Variants in CHCHD6 observed in about 807,000 individuals in gnomAD.
CHCHD6 encodes the protein MICOS complex subunit MIC25.
Under a neutral mutation model 32.3 loss-of-function variants are expected in CHCHD6, and 28 were observed. The ratio of observed to expected loss-of-function variants is 0.87; its 90% CI spans 0.64 to 1.19. CHCHD6 has a LOEUF of 1.19. CHCHD6 is among the 50% of genes most tolerant of loss of function. The probability of loss-of-function intolerance (pLI) is 0.00; values close to 1 mark genes in which losing one functional copy is unlikely to be tolerated. For synonymous variants in CHCHD6, 122 were observed against 117.5 expected (o/e 1.04, Z -0.25); for missense variants, 333 against 307.0 (o/e 1.08, Z -0.63).
At chr3:126,893,896 A>C (rs538919903) in intron 5 of CHCHD6, among the ~76,000 whole-genome samples, 1 of 152,238 alleles carries the variant, frequency 6.6e-6, no homozygotes, top group South Asian at 2.1e-4. Context: ...GGTGCCCCTA[A>C]CTCCAGAAGG....
intron 5 of CHCHD6, among the ~76,000 whole-genome samples, chr3:126,879,821 G>T (rs2077585414): frequency 6.6e-6 from 1 of 152,200 alleles, no homozygotes; most frequent in African/African-American, 2.4e-5. Context: ...GAGCTGAAGT[G>T]CTTAGAGATG....
At chr3:126,730,727 T>C in intron 3 of CHCHD6, 97 bp downstream of exon 3, 2 of 954,434 alleles carry the variant, frequency 2.1e-6, no homozygotes, top group African/African-American at 1.6e-5. Context: ...CCCTGGAGGC[T>C]TTGTCTCACA....
intron 4 of CHCHD6, among the ~76,000 whole-genome samples, chr3:126,809,463 A>G (rs1939563616): frequency 6.6e-6 from 1 of 152,194 alleles, no homozygotes; most frequent in Non-Finnish European, 1.5e-5. Context: ...TACTGTGTAA[A>G]GCTCTGCCCT....
intron 5 of CHCHD6, among the ~76,000 whole-genome samples, chr3:126,898,371 G>C (rs1007724201): frequency 3.9e-5 from 6 of 152,244 alleles, no homozygotes; most frequent in African/African-American, 1.4e-4. Flanking sequence ...GTTGTGCTGG[G>C]CACAGTGCTG....
chr3:126,859,602 A>G (rs554164622), intron 5 of CHCHD6, among the ~76,000 whole-genome samples: 2 of 152,336 alleles, frequency 1.3e-5, no homozygotes, highest in East Asian at 1.9e-4. Context: ...TACATAAGTC[A>G]TCGTGAATCC....
intron 6 of CHCHD6, among the ~76,000 whole-genome samples, chr3:126,938,168 C>G (rs1023040843): frequency 6.6e-6 from 1 of 152,186 alleles, no homozygotes; most frequent in Admixed American, 6.5e-5. Flanking sequence ...GGGAAATTGG[C>G]AAGGGGCCAT....
chr3:126,707,493 C>T (rs141783329), intron 1 of CHCHD6, among the ~76,000 whole-genome samples: 2 of 152,288 alleles, frequency 1.3e-5, no homozygotes, highest in East Asian at 1.9e-4. Context: ...AGAGAAGGCA[C>T]ACATGGCAGT....
chr3:126,799,745 A>G (rs1251140250), intron 4 of CHCHD6, among the ~76,000 whole-genome samples: 4 of 152,318 alleles, frequency 2.6e-5, no homozygotes, highest in Admixed American at 2.6e-4. Flanking sequence ...TAGGTGAGAA[A>G]GTCTAACAGA....
At chr3:126,859,156 T>C (rs1450513020) in intron 5 of CHCHD6, among the ~76,000 whole-genome samples, 3 of 152,014 alleles carry the variant, frequency 2.0e-5, no homozygotes, top group Non-Finnish European at 4.4e-5. Flanking sequence ...GGAACGTGTG[T>C]GTATGCAATC....
At chr3:126,851,548 T>C (rs905531486) in intron 4 of CHCHD6, among the ~76,000 whole-genome samples, 3 of 152,198 alleles carry the variant, frequency 2.0e-5, no homozygotes, top group Admixed American at 6.5e-5. Flanking sequence ...TTGGTGTTAT[T>C]CCTCCATACA....
At chr3:126,823,987 T>G (rs1940269152) in intron 4 of CHCHD6, among the ~76,000 whole-genome samples, 1 of 151,682 alleles carries the variant, frequency 6.6e-6, no homozygotes, top group Admixed American at 6.6e-5. Flanking sequence ...AAGCAGGAGG[T>G]TCACATGAGT....
chr3:126,720,096 G>A lies in CHCHD6; in HGVS notation c.88-6982G>A, dbSNP rs549617432. On this transcript the variant is annotated intron_variant, in intron 1 of 7. Transcript: ENST00000290913. ...TGGGTTTCACCATGTTGACCAGGCT[G>A]GTCTTGAACTCCTGACCTCAGGTGA... 2.8e-4 allele frequency among the ~76,000 whole-genome samples: 42 copies of A among 152,250 alleles called. 1 individual carries two copies. The highest frequency in any genetic ancestry group is 1.0e-3 in the African/African-American group (42 of 41,544).
chr3:126,898,079 A>C (rs867010836), intron 5 of CHCHD6, among the ~76,000 whole-genome samples: 2 of 152,146 alleles, frequency 1.3e-5, no homozygotes, highest in Non-Finnish European at 1.5e-5. Flanking sequence ...TCTCCATTAG[A>C]GTTTTCACAG....
chr3:126,959,905 GC>G (rs1451039163), intron 7 of CHCHD6, among the ~76,000 whole-genome samples: 2 of 152,216 alleles, frequency 1.3e-5, no homozygotes, highest in Non-Finnish European at 2.9e-5. Flanking sequence ...GGTTGAGGGG[GC>G]AGGGGCAGGG....
At chr3:126,766,789 C>A in intron 4 of CHCHD6, 1 of 1,079,326 alleles carries the variant, frequency 9.3e-7, no homozygotes, top group South Asian at 1.2e-5. Context: ...AAACAGACCA[C>A]CCACTTCACT....
intron 6 of CHCHD6, among the ~76,000 whole-genome samples, chr3:126,940,060 A>T (rs2078537053): frequency 6.6e-6 from 1 of 152,238 alleles, no homozygotes; most frequent in Admixed American, 6.5e-5. Context: ...TCTTAAAATG[A>T]GGAAGGATGT....
intron 5 of CHCHD6, among the ~76,000 whole-genome samples, chr3:126,875,916 A>G (rs999041843): frequency 1.3e-5 from 2 of 152,238 alleles, no homozygotes; most frequent in African/African-American, 2.4e-5. Context: ...AATATGGATC[A>G]TCTCATTGTC....
intron 5 of CHCHD6, among the ~76,000 whole-genome samples, chr3:126,853,787 A>G (rs764742511): frequency 7.9e-5 from 12 of 152,136 alleles, no homozygotes; most frequent in Admixed American, 1.3e-4. Flanking sequence ...TAACAAGTAA[A>G]TCTTTCACAG....
intron 6 of CHCHD6, among the ~76,000 whole-genome samples, chr3:126,943,573 A>C (rs955004466): frequency 1.3e-5 from 2 of 152,164 alleles, no homozygotes; most frequent in African/African-American, 4.8e-5. Flanking sequence ...CTAAAAACAC[A>C]TGGTCTGCAG....
Sources: allele counts gnomAD v4.1 joint callset (sites outside exome capture counted in the v4.1 genomes callset), GRCh38; gene constraint gnomAD v4.1.1; transcripts MANE v1.5; gene names NCBI Gene and HGNC (gene_info 2026-07-23, HGNC 2026-07-21).